CTNNA3: variants seen among roughly 807,000 people sequenced by gnomAD.
The protein encoded by CTNNA3 is catenin alpha-3.
In CTNNA3, 76 loss-of-function variants were observed where a neutral mutation model predicts 95.7. That is an observed-to-expected ratio of 0.79 (90% CI 0.66 to 0.96). The LOEUF is 0.96. Among genes scored for constraint, CTNNA3 ranks in the 40% least tolerant of loss-of-function variants. The pLI, the probability that CTNNA3 is intolerant of heterozygous loss-of-function variation, is 0.00. For missense variants in CTNNA3, 1,191 were observed against 1,089.8 expected (o/e 1.09, Z -1.31); for synonymous variants, 431 against 374.4 (o/e 1.15, Z -1.74).
intron 11 of CTNNA3, among the ~76,000 whole-genome samples, chr10:66,444,429 G>C (rs2093401727): frequency 6.6e-6 from 1 of 152,126 alleles, no homozygotes; most frequent in African/African-American, 2.4e-5. Context: ...AGAGAGAAAG[G>C]TTGGGTTACC....
rs150307156 is a variant in CTNNA3 at position 66,741,918 on chromosome 10, C to T, written c.1281+24346G>A. Among the ~76,000 whole-genome samples the T allele has an allele frequency of 1.7e-3, 259 of 152,154 alleles. 2 individuals carry two copies. The highest frequency in any genetic ancestry group is 0.017 in the Middle Eastern group (5 of 294). The stretch of plus-strand genomic sequence containing the variant: ...TTCATAAGCTGAGGAGGATGTATGT[C>T]GCCTCAGGACCCTGTGATGATTGTG... On this transcript the variant is annotated intron_variant, in intron 9 of 17. Transcript: ENST00000433211.
At chr10:66,394,618 T>C (rs2092960635) in intron 11 of CTNNA3, among the ~76,000 whole-genome samples, 1 of 151,238 alleles carries the variant, frequency 6.6e-6, no homozygotes, top group East Asian at 1.9e-4. Flanking sequence ...ATCAGGACTG[T>C]CAGCAGGAAC....
At chr10:67,517,949 A>G (rs998425318) in intron 5 of CTNNA3, among the ~76,000 whole-genome samples, 2 of 152,200 alleles carry the variant, frequency 1.3e-5, no homozygotes, top group Non-Finnish European at 1.5e-5. Context: ...ATGGCTTATG[A>G]GAATAACAGA....
intron 11 of CTNNA3, among the ~76,000 whole-genome samples, chr10:66,460,631 C>T (rs2093523164): frequency 6.6e-6 from 1 of 152,062 alleles, no homozygotes; most frequent in Non-Finnish European, 1.5e-5. Flanking sequence ...TTTCTCTTCC[C>T]ATGCTGCAGC....
At chr10:65,972,587 A>T (rs1376750356) in intron 16 of CTNNA3, among the ~76,000 whole-genome samples, 1 of 152,142 alleles carries the variant, frequency 6.6e-6, no homozygotes. Context: ...TCCATTTACA[A>T]TAGCTGCAAA....
At chr10:67,435,900 A>G (rs1367080021) in intron 5 of CTNNA3, among the ~76,000 whole-genome samples, 1 of 152,172 alleles carries the variant, frequency 6.6e-6, no homozygotes, top group Non-Finnish European at 1.5e-5. Context: ...CATACTGCCA[A>G]AGACAATCTA....
At chr10:66,699,716 CAA>C in intron 9 of CTNNA3, among the ~76,000 whole-genome samples, 1 of 150,530 alleles carries the variant, frequency 6.6e-6, no homozygotes, top group Non-Finnish European at 1.5e-5. Context: ...GGCTGGAGTG[CAA>C]AGTCATGATC....
At chr10:67,522,057 T>C in intron 4 of CTNNA3, 96 bp from the exon 5 acceptor site, 1 of 1,216,228 alleles carries the variant, frequency 8.2e-7, no homozygotes, top group Non-Finnish European at 1.2e-6. Flanking sequence ...GAGCCTCAGT[T>C]TCTCCCATTC....
At chr10:66,808,055 AAT>A (rs1841726616) in intron 7 of CTNNA3, among the ~76,000 whole-genome samples, 1 of 152,086 alleles carries the variant, frequency 6.6e-6, no homozygotes. Context: ...AAGTATATTA[AAT>A]ATAATATGTT....
rs532209437 is a variant in CTNNA3, at chr10:67,185,378, G to A, written c.844-4858C>T. ...CTTGACCACATGATCCGCCTGCCTCGGCCTCCCAAAGTGCTGGGATTACAG... is the reference window on the plus strand; with the variant it reads ...CTTGACCACATGATCCGCCTGCCTCAGCCTCCCAAAGTGCTGGGATTACAG... On this transcript the variant is annotated intron_variant, in intron 6 of 17. Coordinates refer to ENST00000433211, the MANE Select transcript of CTNNA3 (RefSeq NM_013266.4). Among the ~76,000 whole-genome samples, 378 of 151,938 alleles carry A rather than the reference G, an allele frequency of 2.5e-3. 3 individuals carry two copies. The highest frequency in any genetic ancestry group is 4.3e-3 in the Admixed American group (66 of 15,244).
At chr10:66,292,489 GTC>G (rs933128537) in intron 12 of CTNNA3, among the ~76,000 whole-genome samples, 7 of 146,948 alleles carry the variant, frequency 4.8e-5, no homozygotes, top group Non-Finnish European at 1.1e-4. Flanking sequence ...TTTCGTGTAG[GTC>G]TCTCTCAATG....
At chr10:67,719,011 T>G in intron 1 of CTNNA3, among the ~76,000 whole-genome samples, 1 of 152,218 alleles carries the variant, frequency 6.6e-6, no homozygotes, top group Non-Finnish European at 1.5e-5. Flanking sequence ...GGGATTCAAC[T>G]TCTTCCTGGT....
chr10:66,149,347 T>C (rs2084068183), intron 13 of CTNNA3, among the ~76,000 whole-genome samples: 1 of 150,784 alleles, frequency 6.6e-6, no homozygotes, highest in Non-Finnish European at 1.5e-5. Flanking sequence ...CATATATAAT[T>C]GCACATTTAG....
intron 5 of CTNNA3, among the ~76,000 whole-genome samples, chr10:67,326,253 T>C (rs938990802): frequency 6.6e-6 from 1 of 152,222 alleles, no homozygotes; most frequent in African/African-American, 2.4e-5. Context: ...TATGTGTGGA[T>C]TTGATCCTGT....
At chr10:66,459,816 T>A (rs1184768836) in intron 11 of CTNNA3, among the ~76,000 whole-genome samples, 2 of 152,204 alleles carry the variant, frequency 1.3e-5, no homozygotes, top group Admixed American at 6.5e-5. Context: ...TATAATCTTA[T>A]GGGATCATTG....
chr10:67,387,410 GC>G (rs1437116931), intron 5 of CTNNA3, among the ~76,000 whole-genome samples: 1 of 152,064 alleles, frequency 6.6e-6, no homozygotes, highest in Non-Finnish European at 1.5e-5. Flanking sequence ...AGGGTCCTAC[GC>G]CCCACGGAGT....
intron 4 of CTNNA3, among the ~76,000 whole-genome samples, chr10:67,533,772 T>A (rs553536422): frequency 1.3e-5 from 2 of 152,256 alleles, no homozygotes; most frequent in Admixed American, 1.3e-4. Flanking sequence ...CCTGGGGCAG[T>A]CTCAGTGGAA....
At chr10:65,942,107 A>G (rs1012709195) in intron 17 of CTNNA3, among the ~76,000 whole-genome samples, 3 of 152,240 alleles carry the variant, frequency 2.0e-5, no homozygotes, top group Non-Finnish European at 2.9e-5. Flanking sequence ...AGAACTCTAT[A>G]CTTATCTGTT....
intron 5 of CTNNA3, among the ~76,000 whole-genome samples, chr10:67,249,464 A>G (rs1247755798): frequency 6.6e-6 from 1 of 152,194 alleles, no homozygotes; most frequent in Non-Finnish European, 1.5e-5. Flanking sequence ...ATCCTCATTT[A>G]ACATTTTTGA....
Sources: gnomAD v4.1 joint callset for allele counts (sites outside exome capture counted in the v4.1 genomes callset) on GRCh38, gnomAD v4.1.1 for gene constraint, MANE v1.5 for transcripts, NCBI Gene and HGNC (gene_info 2026-07-23, HGNC 2026-07-21) for gene names.